Variants in SSH1 observed in about 807,000 individuals in gnomAD.
The protein encoded by SSH1 is slingshot protein phosphatase 1, also known as protein phosphatase Slingshot homolog 1.
In SSH1, 43 loss-of-function variants were observed where a neutral mutation model predicts 79.7. The ratio of observed to expected loss-of-function variants is 0.54; its 90% confidence interval spans 0.42 to 0.70. The LOEUF is 0.70. Ranked by LOEUF, SSH1 falls within the 30% of genes least tolerant of loss-of-function variation. SSH1 has a pLI of 0.00. For synonymous variants in SSH1, 599 were observed against 538.3 expected, an observed-to-expected ratio of 1.11 and a Z score of -1.56; for missense variants, 1,206 against 1,358.8, an observed-to-expected ratio of 0.89 and a Z score of 1.77.
intron 13 of SSH1, among the ~76,000 whole-genome samples, chr12:108,794,681 G>A (rs1047168142): frequency 4.6e-5 from 7 of 152,152 alleles, no homozygotes; most frequent in South Asian, 2.1e-4. Flanking sequence ...AGTGGGTCAC[G>A]CAAATCTGCC....
chr12:108,843,725 G>A (rs959205167), intron 2 of SSH1, among the ~76,000 whole-genome samples: 3 of 152,128 alleles, frequency 2.0e-5, no homozygotes, highest in Non-Finnish European at 2.9e-5. Context: ...AGCAGAGACA[G>A]GGTTTCACCA....
intron 11 of SSH1, 22 bp from the exon 12 acceptor site, chr12:108,800,948 A>C (rs1207178753): frequency 6.2e-7 from 1 of 1,609,864 alleles, no homozygotes; most frequent in Non-Finnish European, 8.5e-7. Context: ...AAAAAATAAG[A>C]AACAAATTTG....
At position 108,830,551 on chromosome 12, in the gene SSH1, C is replaced by G. The variant is rs749261863; in HGVS notation, c.111-7190G>C. Among the ~76,000 whole-genome samples, 8 of 152,250 alleles carry G rather than the reference C, an allele frequency of 5.3e-5. No homozygotes were observed. The East Asian group carries it at 1.5e-3, about 29-fold the overall frequency. ...TAAAGATACCTCTCACATAGGTACA[C>G]GTCGATGTTTTCTGCTGGTAAAAGG... On this transcript the variant is annotated intron_variant, in intron 2 of 14. Transcript: ENST00000326495.
chr12:108,810,276 C>T (rs759767671), intron 6 of SSH1, among the ~76,000 whole-genome samples: 1 of 151,700 alleles, frequency 6.6e-6, no homozygotes, highest in Non-Finnish European at 1.5e-5. Flanking sequence ...AATCCCAGCA[C>T]TTTGGGAGGC....
intron 5 of SSH1, chr12:108,811,770 A>G (rs944937369): frequency 3.9e-6 from 1 of 257,062 alleles, no homozygotes; most frequent in Non-Finnish European, 7.8e-6. Flanking sequence ...CTGCGGTTTT[A>G]CAATCTCGCT....
chr12:108,857,544 GC>G lies in SSH1; in HGVS notation c.-49del. The G allele has an allele frequency of 9.9e-7, 1 of 1,006,492 alleles. No individual in the cohort carries two copies. The highest frequency in any genetic ancestry group is 3.2e-5 in the South Asian group (1 of 31,066). The allele number at this position is 1,006,492 out of a possible 1,614,324, so 62.3% of individuals were successfully genotyped here. A position where few individuals can be genotyped will look rare whatever the true frequency, so the allele number is the denominator to read the frequency against. On this transcript the variant is annotated 5_prime_UTR_variant, in exon 1 of 15. Coordinates refer to ENST00000326495, the MANE Select transcript of SSH1 (RefSeq NM_018984.4). The surrounding 1 kb of genome is among the most constrained non-coding windows in gnomAD (Gnocchi z 4.7). ...GCCACAGACGTCTCGAGCTAGAGCC[GC>G]CACCGCCACCGCCGCCCGGGCCGGG...
intron 2 of SSH1, among the ~76,000 whole-genome samples, chr12:108,842,570 T>G (rs543658140): frequency 1.3e-5 from 2 of 152,342 alleles, no homozygotes; most frequent in South Asian, 4.1e-4. Context: ...AGGGGATACG[T>G]GACAATCCCT....
chr12:108,809,654 T>C, intron 7 of SSH1, 39 bp downstream of exon 7: 1 of 1,563,708 alleles, frequency 6.4e-7, no homozygotes, highest in South Asian at 1.1e-5. Context: ...GCTAAGAAAA[T>C]ATTTCTAGGG....
chr12:108,792,997 A>G (rs2036580530), intron 13 of SSH1, among the ~76,000 whole-genome samples, 168 bp from the exon 14 acceptor site: 1 of 152,230 alleles, frequency 6.6e-6, no homozygotes, highest in Non-Finnish European at 1.5e-5. Flanking sequence ...CCCAAGAAAC[A>G]CAAGGATGAG....
Position 108,779,171 on chromosome 12 carries a change from C to T in SSH1, c.*8817G>A, listed in dbSNP as rs1450408371. 6.6e-6 allele frequency: 1 copy of T among 152,122 alleles called. No homozygotes were observed. The highest frequency in any genetic ancestry group is 6.5e-5 in the Admixed American group (1 of 15,274). 9.4% of individuals were successfully genotyped at this position (152,122 alleles called of 1,614,324 possible). ...TGGGAGGTTGCTAATGTAAATGCCA[C>T]ACTGTATTTGCTGAAGTGGTTTACA... is the stretch of plus-strand genomic sequence containing the variant. On this transcript the variant is annotated 3_prime_UTR_variant, in exon 15 of 15. Coordinates refer to ENST00000326495, the MANE Select transcript of SSH1 (RefSeq NM_018984.4).
chr12:108,816,339 TAATGAATGAGTC>T (rs1335428685), intron 5 of SSH1, among the ~76,000 whole-genome samples: 6 of 152,234 alleles, frequency 3.9e-5, no homozygotes, highest in Non-Finnish European at 7.3e-5. Flanking sequence ...ATCATATGCT[TAATGAATGAGTC>T]GATGAATGAA....
rs2036148207 is a variant in SSH1 at position 108,781,695 on chromosome 12, C to T, written c.*6293G>A. On this transcript the variant is annotated 3_prime_UTR_variant, in exon 15 of 15. Coordinates refer to ENST00000326495, the MANE Select transcript of SSH1 (RefSeq NM_018984.4). ...GTCTCCCTGGCTGTTGCATTGGGAC[C>T]CTGTGACTGGGCCCTGCCCACTGGA... 1 of 152,176 alleles carries T rather than the reference C, an allele frequency of 6.6e-6. No individual in the cohort carries two copies. Among genetic ancestry groups the T allele is most frequent in the Non-Finnish European group, 1.5e-5 (1 of 68,052 alleles). The allele number at this position is 152,176 out of a possible 1,614,324, so 9.4% of individuals were successfully genotyped here.
rs995462088 is a variant in SSH1, at chr12:108,785,576, C to G, written c.*2412G>C. The G allele has an allele frequency of 1.3e-5, 2 of 152,138 alleles. No individual in the cohort carries two copies. Among genetic ancestry groups the G allele is most frequent in the Admixed American group, 6.5e-5 (1 of 15,270 alleles). The allele number at this position is 152,138 out of a possible 1,614,324, so 9.4% of individuals were successfully genotyped here. On this transcript the variant is annotated 3_prime_UTR_variant, in exon 15 of 15. Coordinates refer to ENST00000326495, the MANE Select transcript of SSH1 (RefSeq NM_018984.4). ...GCTCTGTGGACGGGACCAGCGCTCT[C>G]GTCTGGATGTTGATATGCTAGCTGT...
intron 5 of SSH1, among the ~76,000 whole-genome samples, chr12:108,813,586 G>GC (rs2037729068): frequency 6.6e-6 from 1 of 151,668 alleles, no homozygotes; most frequent in South Asian, 2.1e-4. Flanking sequence ...GGTGGCATGT[G>GC]CCTGTGGCCT....
intron 13 of SSH1, among the ~76,000 whole-genome samples, chr12:108,795,708 AAATT>A (rs2036721510): frequency 6.6e-6 from 1 of 151,988 alleles, no homozygotes; most frequent in Non-Finnish European, 1.5e-5. Context: ...AAAATATAAA[AAATT>A]AACCGGGTAT....
intron 2 of SSH1, among the ~76,000 whole-genome samples, chr12:108,838,748 A>T (rs1447855741): frequency 6.6e-6 from 1 of 152,224 alleles, no homozygotes; most frequent in Non-Finnish European, 1.5e-5. Context: ...TGAACACCAC[A>T]GGTATCTATC....
intron 5 of SSH1, among the ~76,000 whole-genome samples, chr12:108,813,296 G>T (rs1050010316): frequency 6.6e-5 from 10 of 152,194 alleles, no homozygotes; most frequent in African/African-American, 2.4e-4. Flanking sequence ...TGGGTCTGGA[G>T]GTCCAGGCAG....
chr12:108,842,354 C>G (rs2038798074), intron 2 of SSH1, among the ~76,000 whole-genome samples: 1 of 152,206 alleles, frequency 6.6e-6, no homozygotes, highest in Non-Finnish European at 1.5e-5. Context: ...ACTCAGGTCC[C>G]TGAATCACAG....
At chr12:108,844,885 G>A (rs960869587) in intron 2 of SSH1, among the ~76,000 whole-genome samples, 1 of 152,066 alleles carries the variant, frequency 6.6e-6, no homozygotes, top group Non-Finnish European at 1.5e-5. Context: ...GAGGCGGGTG[G>A]ATCACCTGAA....
Sources: gnomAD v4.1 joint callset for allele counts (sites outside exome capture counted in the v4.1 genomes callset) on GRCh38, gnomAD v4.1.1 for gene constraint, Gnocchi (gnomAD v3.1) non-coding constraint, MANE v1.5 for transcripts, NCBI Gene and HGNC (gene_info 2026-07-23, HGNC 2026-07-21) for gene names.